Variants in ATAD2B observed in about 807,000 individuals in gnomAD.
ATAD2B encodes the protein ATPase family AAA domain containing 2B.
A neutral mutation model predicts 167.6 loss-of-function variants in ATAD2B; 40 were observed. The observed-to-expected ratio is 0.24, with a 90% CI of 0.19 to 0.31. ATAD2B has a LOEUF of 0.31. Ranked by LOEUF, ATAD2B falls within the 10% of genes least tolerant of loss-of-function variation. The probability of loss-of-function intolerance (pLI) is 1.00; values close to 1 mark genes in which losing one functional copy is unlikely to be tolerated. For missense variants in ATAD2B, 1,242 were observed against 1,757.2 expected (o/e 0.71, Z 5.24); for synonymous variants, 579 against 596.5 (o/e 0.97, Z 0.43).
intron 14 of ATAD2B, 27 bp from the exon 15 acceptor site, chr2:23,828,966 A>C (rs1318293515): frequency 6.9e-7 from 1 of 1,457,574 alleles, no homozygotes; most frequent in South Asian, 1.2e-5. Flanking sequence ...AGATACATAA[A>C]ATCTTGCCCA....
chr2:23,890,924 A>C (rs900340299), intron 2 of ATAD2B, among the ~76,000 whole-genome samples: 1 of 152,208 alleles, frequency 6.6e-6, no homozygotes, highest in Non-Finnish European at 1.5e-5. Context: ...CCTTATAGTC[A>C]TAGATTATTG....
intron 6 of ATAD2B, among the ~76,000 whole-genome samples, chr2:23,881,887 C>T (rs1697961635): frequency 6.6e-6 from 1 of 151,954 alleles, no homozygotes. Context: ...CCATGCTTGG[C>T]TAATTTTGTA....
Position 23,757,522 on chromosome 2 carries a change from T to G in ATAD2B, c.3974A>C (p.His1325Pro). 6.3e-7 allele frequency: 1 copy of G among 1,588,838 alleles called. No homozygotes were observed. Among genetic ancestry groups the G allele is most frequent in the South Asian group, 1.2e-5 (1 of 85,544 alleles). The part of the protein sequence containing the change: ...KEKPETSTEN[H>P]GDDLEKLEAL... ...CTCTAGTTTCTCAAGATCATCTCCATGATTTTCAGTCGAAGTTTCTGGTTT... is the reference window on the plus strand; with the variant it reads ...CTCTAGTTTCTCAAGATCATCTCCAGGATTTTCAGTCGAAGTTTCTGGTTT... Residue 1325 changes from histidine to proline, a missense_variant, in exon 25 of 28, where the codon CAT (histidine) becomes CCT (proline). Physicochemically the swap from His to Pro is moderately conservative, Grantham distance 77. Coordinates refer to ENST00000238789, the MANE Select transcript of ATAD2B (RefSeq NM_017552.4).
downstream of ATAD2B, among the ~76,000 whole-genome samples, chr2:23,745,422 A>AAGGAAGGGAAGGGAAGGGAAGGG (rs1491261605): frequency 1.2e-5 from 1 of 85,012 alleles, no homozygotes; most frequent in Non-Finnish European, 2.4e-5. Context: ...GGAAGGAAGG[A>AAGGAAGGGAAGGGAAGGGAAGGG]AAGGGAAGGG....
At chr2:23,905,510 T>G (rs1475555080) in intron 1 of ATAD2B, among the ~76,000 whole-genome samples, 5 of 152,010 alleles carry the variant, frequency 3.3e-5, no homozygotes, top group African/African-American at 1.2e-4. Context: ...GGTGACACAG[T>G]GAGACCCTGT....
chr2:23,749,325 T>C lies in ATAD2B; in HGVS notation c.*2721A>G, dbSNP rs928841230. 1.3e-5 allele frequency: 2 copies of C among 152,148 alleles called. No individual in the cohort carries two copies. The highest frequency in any genetic ancestry group is 4.8e-5 in the African/African-American group (2 of 41,444). 9.4% of individuals were successfully genotyped at this position (152,148 alleles called of 1,614,324 possible). On this transcript the variant is annotated 3_prime_UTR_variant, in exon 28 of 28. Coordinates refer to ENST00000238789, the MANE Select transcript of ATAD2B (RefSeq NM_017552.4). The stretch of plus-strand genomic sequence containing the variant: ...TATTGCTGAGCTATGCTGTGATACA[T>C]ATTTTACTCATCTGAGAGCAAGGTT...
At chr2:23,836,210 G>A (rs907498660) in intron 13 of ATAD2B, among the ~76,000 whole-genome samples, 8 of 152,332 alleles carry the variant, frequency 5.3e-5, no homozygotes, top group Middle Eastern at 3.4e-3. Flanking sequence ...CTGGCATGCC[G>A]GCTGCTGCAC....
At chr2:23,791,590 C>T (rs1681739680) in intron 19 of ATAD2B, among the ~76,000 whole-genome samples, 1 of 151,882 alleles carries the variant, frequency 6.6e-6, no homozygotes, top group Non-Finnish European at 1.5e-5. Context: ...TCTTTTCATA[C>T]ACTTATCATC....
chr2:23,691,646 G>GT, the ATAD2B span: 2 of 1,547,288 alleles, frequency 1.3e-6, no homozygotes, highest in Admixed American at 2.0e-5. Flanking sequence ...AGGGCAGGAG[G>GT]TAAGGACACC....
At chr2:23,874,135 C>T (rs190865450) in intron 8 of ATAD2B, among the ~76,000 whole-genome samples, 1 of 151,632 alleles carries the variant, frequency 6.6e-6, no homozygotes, top group East Asian at 1.9e-4. Context: ...TGCAGTGAGC[C>T]GAGATCACGT....
At chr2:23,806,810 A>C (rs1382383765) in intron 18 of ATAD2B, among the ~76,000 whole-genome samples, 1 of 152,186 alleles carries the variant, frequency 6.6e-6, no homozygotes, top group African/African-American at 2.4e-5. Context: ...TGTCATCTCC[A>C]TTTCACAGAT....
At chr2:23,682,477 G>A in the ATAD2B span, among the ~76,000 whole-genome samples, 2 of 152,168 alleles carry the variant, frequency 1.3e-5, no homozygotes, top group Admixed American at 6.5e-5. The surrounding 1 kb of genome is among the most constrained non-coding windows in gnomAD (Gnocchi z 4.1). Context: ...TCCTGCCTCT[G>A]TGTGGATTTG....
chr2:23,734,619 GA>G, the ATAD2B span, among the ~76,000 whole-genome samples: 1 of 152,168 alleles, frequency 6.6e-6, no homozygotes, highest in Admixed American at 6.5e-5. Flanking sequence ...GGAAGAGAGA[GA>G]TAAGTGGGAG....
At chr2:23,684,419 C>G in the ATAD2B span, 1 of 1,543,960 alleles carries the variant, frequency 6.5e-7, no homozygotes, top group Non-Finnish European at 8.7e-7. The surrounding 1 kb of genome is among the most constrained non-coding windows in gnomAD (Gnocchi z 4.4). Flanking sequence ...GGAATTGAAC[C>G]AGCAACGCAG....
intron 7 of ATAD2B, among the ~76,000 whole-genome samples, chr2:23,877,521 G>A (rs1697063773): frequency 2.2e-5 from 2 of 92,120 alleles, no homozygotes. Context: ...GGAAGGGGAG[G>A]GAAGGGGAGG....
chr2:23,681,024 C>G, the ATAD2B span, among the ~76,000 whole-genome samples: 4 of 152,222 alleles, frequency 2.6e-5, no homozygotes, highest in Non-Finnish European at 4.4e-5. The surrounding 1 kb of genome is among the most constrained non-coding windows in gnomAD (Gnocchi z 4.2). Flanking sequence ...AGGGAGTGTC[C>G]TTTGCCAAAA....
intron 17 of ATAD2B, 37 bp from the exon 18 acceptor site, chr2:23,810,539 T>C (rs967616170): frequency 2.6e-6 from 4 of 1,534,314 alleles, no homozygotes; most frequent in Non-Finnish European, 3.6e-6. Context: ...TTCAAAGGCA[T>C]ACATTCTGAA....
chr2:23,838,025 T>C (rs1173724470), intron 13 of ATAD2B, among the ~76,000 whole-genome samples: 1 of 152,202 alleles, frequency 6.6e-6, no homozygotes, highest in African/African-American at 2.4e-5. Flanking sequence ...TGCTAACACC[T>C]GCCTAAAATA....
chr2:23,833,795 TAGCTAAGATA>T lies in ATAD2B; in HGVS notation c.1728+114_1728+123del. 9.4e-6 allele frequency: 7 copies of T among 746,720 alleles called. No individual in the cohort carries two copies. The Middle Eastern group carries it at 1.9e-3, about 202-fold the overall frequency. The allele number at this position is 746,720 out of a possible 1,614,324, so 46.3% of individuals were successfully genotyped here. A position where few individuals can be genotyped will look rare whatever the true frequency, so the allele number is the denominator to read the frequency against. On this transcript the variant is annotated intron_variant, in intron 14 of 27. Transcript: ENST00000238789. ...ATAATTACATAGGTTTTTAAAGCATTAGCTAAGATATCCTTAAGCAGAAAATCTGAACAAT... is the reference window on the plus strand; with the variant it reads ...ATAATTACATAGGTTTTTAAAGCATTTCCTTAAGCAGAAAATCTGAACAAT...
Sources: allele counts gnomAD v4.1 joint callset (sites outside exome capture counted in the v4.1 genomes callset), GRCh38; gene constraint gnomAD v4.1.1; non-coding constraint Gnocchi (gnomAD v3.1); transcripts MANE v1.5; gene names NCBI Gene and HGNC (gene_info 2026-07-23, HGNC 2026-07-21).